Variants in DPP6 observed in about 807,000 individuals in gnomAD.
The protein encoded by DPP6 is dipeptidyl peptidase like 6.
In DPP6, 69 loss-of-function variants were observed where a neutral mutation model predicts 122.6. That is an observed-to-expected ratio of 0.56 (90% CI 0.46 to 0.69). The LOEUF is 0.69. Among genes scored for constraint, DPP6 ranks in the 30% least tolerant of loss-of-function variants. The probability of loss-of-function intolerance (pLI) is 0.00; values close to 1 mark genes in which losing one functional copy is unlikely to be tolerated. For synonymous variants in DPP6, 418 were observed against 433.1 expected (o/e 0.97, Z 0.43); for missense variants, 928 against 1,116.9 (o/e 0.83, Z 2.41).
chr7:154,107,803 G>A (rs1370160416), intron 1 of DPP6, among the ~76,000 whole-genome samples: 6 of 152,086 alleles, frequency 3.9e-5, no homozygotes, highest in African/African-American at 1.2e-4. Flanking sequence ...TGCTGGTGAG[G>A]GGTTGCTCCC....
chr7:154,623,282 C>T (rs1051354844), intron 5 of DPP6, among the ~76,000 whole-genome samples: 4 of 152,100 alleles, frequency 2.6e-5, no homozygotes, highest in African/African-American at 4.8e-5. Flanking sequence ...GAAAATATGC[C>T]CAGGGAATAT....
chr7:154,239,601 A>G (rs796068050), intron 1 of DPP6, among the ~76,000 whole-genome samples: 5 of 152,292 alleles, frequency 3.3e-5, no homozygotes, highest in African/African-American at 1.2e-4. Context: ...ATGTGTGTTC[A>G]TCGACTGTTT....
chr7:153,836,288 A>G, the DPP6 span, among the ~76,000 whole-genome samples: 34 of 152,172 alleles, frequency 2.2e-4, no homozygotes, highest in East Asian at 3.9e-4. Flanking sequence ...CCAAAGGTTC[A>G]GAGAGAAAAT....
chr7:154,653,372 G>A (rs962596335), intron 6 of DPP6, among the ~76,000 whole-genome samples: 3 of 152,142 alleles, frequency 2.0e-5, no homozygotes, highest in Admixed American at 6.5e-5. Context: ...TAGATTGACA[G>A]ATTGATTGAT....
chr7:154,768,339 G>T (rs1247266573), intron 8 of DPP6, among the ~76,000 whole-genome samples: 1 of 152,204 alleles, frequency 6.6e-6, no homozygotes, highest in Non-Finnish European at 1.5e-5. Context: ...TGTTGCATTT[G>T]ATGCCCTCGT....
intron 1 of DPP6, among the ~76,000 whole-genome samples, chr7:154,030,917 A>G (rs918260667): frequency 3.9e-5 from 6 of 152,080 alleles, no homozygotes; most frequent in African/African-American, 1.4e-4. Flanking sequence ...ACACAAAATA[A>G]CGTAAGCCCC....
intron 5 of DPP6, among the ~76,000 whole-genome samples, chr7:154,619,834 C>A (rs1425925672): frequency 6.6e-6 from 1 of 152,166 alleles, no homozygotes; most frequent in East Asian, 1.9e-4. Context: ...GATGGTGGGG[C>A]CTCAACATCA....
intron 1 of DPP6, among the ~76,000 whole-genome samples, chr7:154,249,093 A>T (rs1206683915): frequency 2.0e-5 from 3 of 152,212 alleles, no homozygotes; most frequent in African/African-American, 7.2e-5. Context: ...GGGTGTTGAA[A>T]ACTCACGGTG....
At chr7:154,500,512 G>A (rs532410500) in intron 3 of DPP6, among the ~76,000 whole-genome samples, 33 of 152,234 alleles carry the variant, frequency 2.2e-4, no homozygotes, top group African/African-American at 7.7e-4. Flanking sequence ...GAATTATGGG[G>A]GCGGATCTTT....
intron 1 of DPP6, among the ~76,000 whole-genome samples, chr7:154,240,905 C>T (rs548085009): frequency 2.6e-5 from 4 of 152,226 alleles, no homozygotes; most frequent in African/African-American, 4.8e-5. Flanking sequence ...GCAATACTTC[C>T]ACCTTGACAT....
At chr7:153,981,698 A>ATT (rs1796598542) in intron 1 of DPP6, among the ~76,000 whole-genome samples, 1 of 151,976 alleles carries the variant, frequency 6.6e-6, no homozygotes, top group Non-Finnish European at 1.5e-5. Context: ...CCCTTTCCAT[A>ATT]TTTAGTGCTT....
At chr7:154,807,245 C>T (rs995552964) in intron 16 of DPP6, 133 bp downstream of exon 16, 24 of 1,306,454 alleles carry the variant, frequency 1.8e-5, no homozygotes, top group African/African-American at 4.4e-5. Context: ...GTGAGGATCC[C>T]GCCTACCTGA....
chr7:154,644,854 G>A (rs1044686635), intron 6 of DPP6, among the ~76,000 whole-genome samples: 3 of 152,028 alleles, frequency 2.0e-5, no homozygotes, highest in East Asian at 1.9e-4. Context: ...GACTGCAGGT[G>A]CACACCGCCA....
chr7:154,708,016 G>A (rs1047967932), intron 7 of DPP6, among the ~76,000 whole-genome samples: 1 of 152,174 alleles, frequency 6.6e-6, no homozygotes, highest in Non-Finnish European at 1.5e-5. Flanking sequence ...TATTTGCCCA[G>A]CTGAGCAGTG....
Position 154,764,200 on chromosome 7 carries a change from T to A in DPP6, c.884-5217T>A, listed in dbSNP as rs141963078. On this transcript the variant is annotated intron_variant, in intron 8 of 25. Transcript: ENST00000377770. ...GCTAAAATGGCACCTGTTGGGCAGCTCTGTCTTCATCTTGTGAATGGAATT... is the reference window on the plus strand; with the variant it reads ...GCTAAAATGGCACCTGTTGGGCAGCACTGTCTTCATCTTGTGAATGGAATT... Among the ~76,000 whole-genome samples, 86 of 152,272 alleles carry A rather than the reference T, an allele frequency of 5.6e-4. 1 individual carries two copies. The highest frequency in any genetic ancestry group is 2.0e-3 in the African/African-American group (84 of 41,546).
the DPP6 span, among the ~76,000 whole-genome samples, chr7:153,800,122 C>G: frequency 6.6e-6 from 1 of 152,100 alleles, no homozygotes; most frequent in African/African-American, 2.4e-5. Context: ...ATCTGCACAC[C>G]CATTTTATTA....
chr7:154,811,956 T>C (rs1262827540), intron 16 of DPP6, among the ~76,000 whole-genome samples: 1 of 152,200 alleles, frequency 6.6e-6, no homozygotes, highest in African/African-American at 2.4e-5. Context: ...CCTCCTTTTT[T>C]AGGTTGAGGA....
intron 1 of DPP6, among the ~76,000 whole-genome samples, chr7:153,906,994 G>C (rs10227166): frequency 0.81 from 123,914 of 152,198 alleles, 50,454 homozygotes; most frequent in Admixed American, 0.85. Context: ...GATAAAATAA[G>C]TTATTTTCCT....
chr7:154,493,671 A>G (rs1215162999), intron 3 of DPP6, among the ~76,000 whole-genome samples: 1 of 152,216 alleles, frequency 6.6e-6, no homozygotes, highest in Non-Finnish European at 1.5e-5. Flanking sequence ...GCCTGTAATC[A>G]TTCATTTATA....
Sources: allele counts gnomAD v4.1 joint callset (sites outside exome capture counted in the v4.1 genomes callset), GRCh38; gene constraint gnomAD v4.1.1; transcripts MANE v1.5; gene names NCBI Gene and HGNC (gene_info 2026-07-23, HGNC 2026-07-21).